Variants in MPP1 observed in about 807,000 individuals in gnomAD.
MPP1 encodes 55 kDa erythrocyte membrane protein.
Under a neutral mutation model 38.2 loss-of-function variants are expected in MPP1, and 6 were observed. The observed-to-expected ratio is 0.16, with a 90% confidence interval of 0.09 to 0.31. The LOEUF is 0.31. Ranked by LOEUF, MPP1 falls within the 10% of genes least tolerant of loss-of-function variation. The probability of loss-of-function intolerance (pLI) is 1.00; values close to 1 mark genes in which losing one functional copy is unlikely to be tolerated. For synonymous variants in MPP1, 153 were observed against 146.3 expected (o/e 1.05, Z -0.33); for missense variants, 293 against 368.9 (o/e 0.79, Z 1.69).
Position 154,781,911 on chromosome X carries a change from T to C in MPP1, c.947-109A>G. 5.4e-6 allele frequency: 4 copies of C among 746,547 alleles called. No individual in the cohort carries two copies. In the East Asian group the frequency reaches 1.3e-4, roughly 24 times the overall value. The allele number at this position is 746,547 out of a possible 1,213,427, so 61.5% of individuals were successfully genotyped here. A position where few individuals can be genotyped will look rare whatever the true frequency, so the allele number is the denominator to read the frequency against. On this transcript the variant is annotated intron_variant, in intron 9 of 11. Transcript: ENST00000369534. ...CCCTAGCTGCCTTTGGTGCATTGACTTTAATACAGGGGTTCCTCCCGTGGG... is the reference window on the plus strand; with the variant it reads ...CCCTAGCTGCCTTTGGTGCATTGACCTTAATACAGGGGTTCCTCCCGTGGG...
chrX:154,786,455 T>C (rs1603430010), intron 5 of MPP1, 55 bp from the exon 6 acceptor site: 1 of 1,071,915 alleles, frequency 9.3e-7, no homozygotes, highest in Non-Finnish European at 1.3e-6. Flanking sequence ...AACACCAGCA[T>C]CAGAGCATGT....
chrX:154,795,504 C>T (rs1474515719), intron 1 of MPP1, among the ~76,000 whole-genome samples: 2 of 111,896 alleles, frequency 1.8e-5, no homozygotes, highest in African/African-American at 6.5e-5. Flanking sequence ...GTGGCTCACA[C>T]CTGTAATCCC....
chrX:154,781,786 TGGC>T lies in MPP1; in HGVS notation c.960_962del (p.Pro321del). The T allele has an allele frequency of 8.3e-7, 1 of 1,211,388 alleles. No homozygotes were observed. The highest frequency in any genetic ancestry group is 1.1e-6 in the Non-Finnish European group (1 of 895,182). ...CCTTCCCATCTTCCTCACTCTTCCT[TGGC>T]GGCCGTGTTGTATCTGTGTACAAGA... is the stretch of plus-strand genomic sequence containing the variant. On this transcript the variant is annotated inframe_deletion, in exon 10 of 12. Coordinates refer to ENST00000369534, the MANE Select transcript of MPP1 (RefSeq NM_002436.4).
rs1557266304 is a variant in MPP1 at position 154,779,225 on chromosome X, G to A, written c.1353C>T (p.Asp451=). 3 of 1,211,777 alleles carry A rather than the reference G, an allele frequency of 2.5e-6. No homozygotes were observed. The highest frequency in any genetic ancestry group is 3.4e-6 in the Non-Finnish European group (3 of 895,504). ...ETLKKLQEAF[D]QACSSPQWVP... is the part of the protein sequence containing the mutation. ...CCCACTGTGGAGAACTGCACGCTTG[G>A]TCGAAGGCTTCTTGTAATTTCTTAA... Residue 451 remains aspartate (D), a synonymous_variant, in exon 12 of 12, where the codon GAC becomes GAT. Coordinates refer to ENST00000369534, the MANE Select transcript of MPP1 (RefSeq NM_002436.4).
intron 1 of MPP1, among the ~76,000 whole-genome samples, chrX:154,795,865 G>A (rs782082999): frequency 8.9e-6 from 1 of 112,192 alleles, no homozygotes; most frequent in East Asian, 2.8e-4. Flanking sequence ...ATAAGATGGG[G>A]TGAGAAGGAA....
chrX:154,797,905 T>G (rs782143732), intron 1 of MPP1, among the ~76,000 whole-genome samples: 1 of 110,447 alleles, frequency 9.1e-6, no homozygotes, highest in Non-Finnish European at 1.9e-5. Context: ...AAAAAGAGAG[T>G]GCTCAATACT....
At position 154,781,317 on chromosome X, in the gene MPP1, GA is replaced by G. The variant is rs781889992; in HGVS notation, c.1150-5del. 462 of 831,222 alleles carry G rather than the reference GA, an allele frequency of 5.6e-4. No individual in the cohort carries two copies. The highest frequency in any genetic ancestry group is 1.7e-3 in the Admixed American group (45 of 26,124). The allele number at this position is 831,222 out of a possible 1,213,427, so 68.5% of individuals were successfully genotyped here. On this transcript the variant is annotated splice_polypyrimidine_tract_variant and splice_region_variant and intron_variant, in intron 10 of 11. Transcript: ENST00000369534. Reference sequence around the variant, plus strand: ...CTGTCCGAACAATTTTCAGGGTCTAGAAAAAAAAAAGAAGGGCGGCGGGGAG... The same window carrying G: ...CTGTCCGAACAATTTTCAGGGTCTAGAAAAAAAAAGAAGGGCGGCGGGGAG...
At chrX:154,793,099 T>C (rs1459140927) in intron 1 of MPP1, among the ~76,000 whole-genome samples, 7 of 112,069 alleles carry the variant, frequency 6.2e-5, no homozygotes, top group Admixed American at 5.7e-4. Context: ...AAAAATGGTC[T>C]GCACGATAAA....
chrX:154,787,101 AACACACACACACACAC>A lies in MPP1; in HGVS notation c.481-717_481-702del, dbSNP rs59779466. 2.1e-4 allele frequency among the ~76,000 whole-genome samples: 17 copies of A among 82,891 alleles called. No individual in the cohort carries two copies. The South Asian group carries it at 4.7e-3, about 23-fold the overall frequency. The allele number at this position is 82,891 out of a possible 115,157, so 72.0% of individuals were successfully genotyped here. A position where few individuals can be genotyped will look rare whatever the true frequency, so the allele number is the denominator to read the frequency against. On this transcript the variant is annotated intron_variant, in intron 5 of 11. Transcript: ENST00000369534. ...TGAAAATTCTCCTCTCCTGCTCCCAAACACACACACACACACACACACACACACACACACACACACA... is the reference window on the plus strand; with the variant it reads ...TGAAAATTCTCCTCTCCTGCTCCCAAACACACACACACACACACACACACA...
intron 7 of MPP1, 133 bp from the exon 8 acceptor site, chrX:154,784,241 G>T (rs1557266958): frequency 3.9e-6 from 2 of 514,695 alleles, no homozygotes; most frequent in Non-Finnish European, 6.7e-6. Context: ...AGACGAGGGA[G>T]GTTGGTGTGG....
At chrX:154,786,943 C>A (rs2072083434) in intron 5 of MPP1, among the ~76,000 whole-genome samples, 1 of 107,158 alleles carries the variant, frequency 9.3e-6, no homozygotes, top group Non-Finnish European at 1.9e-5. Context: ...GATATCTTTC[C>A]ACGTCAACGT....
intron 4 of MPP1, 62 bp from the exon 5 acceptor site, chrX:154,790,084 T>C (rs922130827): frequency 6.9e-5 from 53 of 768,345 alleles, no homozygotes; most frequent in African/African-American, 1.3e-4. Flanking sequence ...TGATCATTCA[T>C]TCAAAGTCCC....
intron 5 of MPP1, among the ~76,000 whole-genome samples, chrX:154,786,950 A>C (rs1557267271): frequency 1.8e-5 from 2 of 108,838 alleles, no homozygotes. Context: ...TTCCACGTCA[A>C]CGTGTCCACA....
chrX:154,787,719 G>A lies in MPP1; in HGVS notation c.481-1319C>T, dbSNP rs782227271. The stretch of plus-strand genomic sequence containing the variant: ...ACTCCTGGGCTCAAGCAATCCACCC[G>A]CCTCGGCCTCCCAAAGTGCTAGGAT... On this transcript the variant is annotated intron_variant, in intron 5 of 11. Coordinates refer to ENST00000369534, the MANE Select transcript of MPP1 (RefSeq NM_002436.4). 3.6e-5 allele frequency among the ~76,000 whole-genome samples: 4 copies of A among 111,581 alleles called. No homozygotes were observed. In the East Asian group the frequency reaches 1.1e-3, roughly 31 times the overall value.
rs782603105 is a variant in MPP1, at chrX:154,783,418, G to C, written c.946+9C>G. 97 of 1,201,205 alleles carry C rather than the reference G, an allele frequency of 8.1e-5. No homozygotes were observed. Among genetic ancestry groups the C allele is most frequent in the Non-Finnish European group, 1.1e-4 (96 of 889,107 alleles). On this transcript the variant is annotated intron_variant, in intron 9 of 11. Transcript: ENST00000369534. Reference sequence around the variant, plus strand: ...CACCTCCCCTCCAAGGTGCCTAAGAGCTACTTACATGGGACAGGGTACACA... The same window carrying C: ...CACCTCCCCTCCAAGGTGCCTAAGACCTACTTACATGGGACAGGGTACACA...
At chrX:154,781,378 AAACCTACATAGCTGTCATAAT>A in intron 10 of MPP1, 65 bp from the exon 11 acceptor site, 2 of 945,501 alleles carry the variant, frequency 2.1e-6, no homozygotes, top group Non-Finnish European at 3.0e-6. Flanking sequence ...TGAAAAAAAA[AAACCTACATAGCTGTCATAAT>A]GGATTCCTTC....
At chrX:154,798,257 G>A (rs1289608245) in intron 1 of MPP1, among the ~76,000 whole-genome samples, 1 of 111,793 alleles carries the variant, frequency 8.9e-6, no homozygotes, top group Non-Finnish European at 1.9e-5. Flanking sequence ...AAAACCCAGG[G>A]ATGACACTCC....
intron 10 of MPP1, 80 bp from the exon 11 acceptor site, chrX:154,781,393 TCATAATGGA>T: frequency 1.2e-6 from 1 of 847,809 alleles, no homozygotes; most frequent in South Asian, 2.3e-5. Flanking sequence ...TACATAGCTG[TCATAATGGA>T]TTCCTTCTAA....
At chrX:154,789,043 AG>A (rs782397258) in intron 5 of MPP1, among the ~76,000 whole-genome samples, 99 of 111,765 alleles carry the variant, frequency 8.9e-4, no homozygotes, top group African/African-American at 3.1e-3. Context: ...ACGCATGGTG[AG>A]GGGGCGGCGG....
Sources: allele counts gnomAD v4.1 joint callset (sites outside exome capture counted in the v4.1 genomes callset), GRCh38; gene constraint gnomAD v4.1.1; transcripts MANE v1.5; gene names NCBI Gene and HGNC (gene_info 2026-07-23, HGNC 2026-07-21).